Variants in NOL4 observed in about 807,000 individuals in gnomAD.
NOL4 encodes cancer/testis antigen 125.
NOL4 carries 17 observed loss-of-function variants against 75.9 expected under a neutral mutation model. The ratio of observed to expected loss-of-function variants is 0.22; its 90% CI spans 0.15 to 0.34. The LOEUF (loss-of-function observed/expected upper bound fraction) is 0.34. Among genes scored for constraint, NOL4 ranks in the 10% least tolerant of loss-of-function variants. The probability of loss-of-function intolerance (pLI) is 1.00; values close to 1 mark genes in which losing one functional copy is unlikely to be tolerated. For missense variants in NOL4, 614 were observed against 793.5 expected, an observed-to-expected ratio of 0.77 and a Z score of 2.72; for synonymous variants, 292 against 289.9, an observed-to-expected ratio of 1.01 and a Z score of -0.07.
chr18:34,008,018 G>T (rs1023130087), intron 6 of NOL4, among the ~76,000 whole-genome samples: 7 of 151,910 alleles, frequency 4.6e-5, no homozygotes, highest in Non-Finnish European at 7.4e-5. Flanking sequence ...CATTTGAATT[G>T]GTAAACTGGT....
At chr18:34,171,168 A>G (rs1209001547) in intron 1 of NOL4, among the ~76,000 whole-genome samples, 7 of 152,132 alleles carry the variant, frequency 4.6e-5, no homozygotes, top group African/African-American at 1.2e-4. Flanking sequence ...ATTCAGGTTT[A>G]TTGGTTCTTC....
intron 1 of NOL4, among the ~76,000 whole-genome samples, chr18:34,142,756 A>T (rs1225647551): frequency 6.6e-6 from 1 of 152,150 alleles, no homozygotes; most frequent in Non-Finnish European, 1.5e-5. Context: ...GGTGCAGCAC[A>T]CCAACATGGC....
chr18:34,128,390 C>T (rs2080478458), intron 2 of NOL4, among the ~76,000 whole-genome samples: 1 of 151,794 alleles, frequency 6.6e-6, no homozygotes, highest in Non-Finnish European at 1.5e-5. Context: ...GTTCAGGTAG[C>T]TATTTCATGA....
At chr18:34,141,712 C>T (rs932788087) in intron 1 of NOL4, among the ~76,000 whole-genome samples, 2 of 152,146 alleles carry the variant, frequency 1.3e-5, no homozygotes, top group African/African-American at 4.8e-5. Flanking sequence ...AAATGTTAGA[C>T]CTAAAACCAT....
intron 2 of NOL4, among the ~76,000 whole-genome samples, chr18:34,122,844 T>C (rs2080207604): frequency 6.6e-6 from 1 of 152,006 alleles, no homozygotes; most frequent in Non-Finnish European, 1.5e-5. Flanking sequence ...ACTATCAGAG[T>C]AGCAAGGAAA....
At chr18:33,864,708 C>T (rs549871923) in intron 10 of NOL4, among the ~76,000 whole-genome samples, 2 of 152,210 alleles carry the variant, frequency 1.3e-5, no homozygotes, top group Admixed American at 6.6e-5. Context: ...GTACCAATTT[C>T]CTATATTAGT....
intron 6 of NOL4, among the ~76,000 whole-genome samples, chr18:33,960,339 T>C (rs1439792667): frequency 6.6e-6 from 1 of 152,146 alleles, no homozygotes; most frequent in East Asian, 1.9e-4. Context: ...TGACAAGCTT[T>C]CTTTTTTCAA....
At chr18:34,143,074 G>T (rs1045497623) in intron 1 of NOL4, among the ~76,000 whole-genome samples, 1 of 151,908 alleles carries the variant, frequency 6.6e-6, no homozygotes, top group African/African-American at 2.4e-5. Flanking sequence ...GGGAGGGGAA[G>T]GGAGGGGAGG....
intron 8 of NOL4, among the ~76,000 whole-genome samples, chr18:33,951,769 C>T (rs562646076): frequency 2.0e-5 from 3 of 152,204 alleles, no homozygotes; most frequent in African/African-American, 7.2e-5. Context: ...CTTATAATGT[C>T]TGTCATTTTT....
chr18:33,983,375 C>A (rs557910531), intron 6 of NOL4, among the ~76,000 whole-genome samples: 1 of 151,040 alleles, frequency 6.6e-6, no homozygotes, highest in African/African-American at 2.5e-5. Context: ...CTGATTATAA[C>A]AAATGTACCA....
intron 1 of NOL4, among the ~76,000 whole-genome samples, chr18:34,163,998 C>T (rs1375302562): frequency 1.3e-5 from 2 of 152,134 alleles, no homozygotes; most frequent in Non-Finnish European, 2.9e-5. Context: ...GGAAAGGATT[C>T]CCTATTTAAT....
chr18:34,007,236 A>C (rs1018932074), intron 6 of NOL4, among the ~76,000 whole-genome samples: 2 of 151,976 alleles, frequency 1.3e-5, no homozygotes, highest in Non-Finnish European at 2.9e-5. Context: ...AATACTCCAC[A>C]GTGGGGATGA....
intron 1 of NOL4, among the ~76,000 whole-genome samples, chr18:34,212,448 T>C (rs2036578259): frequency 6.6e-6 from 1 of 152,018 alleles, no homozygotes; most frequent in African/African-American, 2.4e-5. Context: ...ATTACACACA[T>C]GTTTTTGGTA....
chr18:34,192,581 A>G (rs1462089755), intron 1 of NOL4, among the ~76,000 whole-genome samples: 1 of 152,226 alleles, frequency 6.6e-6, no homozygotes, highest in Non-Finnish European at 1.5e-5. Flanking sequence ...ATTGATTTTT[A>G]ATAAAGGTGC....
At chr18:34,017,394 T>C (rs2074760626) in intron 6 of NOL4, among the ~76,000 whole-genome samples, 1 of 152,134 alleles carries the variant, frequency 6.6e-6, no homozygotes, top group African/African-American at 2.4e-5. Flanking sequence ...CATGATGTTT[T>C]GTATACCTAT....
chr18:33,891,245 TC>T (rs2065076332), intron 9 of NOL4, among the ~76,000 whole-genome samples: 1 of 152,090 alleles, frequency 6.6e-6, no homozygotes, highest in African/African-American at 2.4e-5. Flanking sequence ...CAAGCTGATG[TC>T]CATAGACCTG....
intron 9 of NOL4, among the ~76,000 whole-genome samples, chr18:33,916,472 G>T (rs924845170): frequency 2.0e-5 from 3 of 152,064 alleles, no homozygotes; most frequent in Non-Finnish European, 2.9e-5. Flanking sequence ...TTTATAGGTG[G>T]CTAGGATAGG....
intron 6 of NOL4, among the ~76,000 whole-genome samples, chr18:34,014,580 G>A (rs953955836): frequency 6.6e-6 from 1 of 151,896 alleles, no homozygotes; most frequent in Non-Finnish European, 1.5e-5. Context: ...CTAGATTGGT[G>A]TTTGATTGGC....
At chr18:33,890,500 T>G (rs1018261727) in intron 9 of NOL4, among the ~76,000 whole-genome samples, 1 of 152,146 alleles carries the variant, frequency 6.6e-6, no homozygotes, top group East Asian at 1.9e-4. Context: ...CCAATGACTT[T>G]CTTCACAGAA....
Sources: allele counts gnomAD v4.1 joint callset (sites outside exome capture counted in the v4.1 genomes callset), GRCh38; gene constraint gnomAD v4.1.1; transcripts MANE v1.5; gene names NCBI Gene and HGNC (gene_info 2026-07-23, HGNC 2026-07-21).